The following COL11A1 variants were observed in gnomAD, a reference collection of about 807,000 sequenced individuals.
COL11A1 encodes collagen alpha-1(XI) chain.
COL11A1 carries 74 observed loss-of-function variants against 265.2 expected under a neutral mutation model. The ratio of observed to expected loss-of-function variants is 0.28; its 90% CI spans 0.23 to 0.34. The LOEUF (loss-of-function observed/expected upper bound fraction) is 0.34, where lower values mean the gene tolerates loss of function less well. Ranked by LOEUF, COL11A1 falls within the 10% of genes least tolerant of loss-of-function variation. The pLI is 1.00. For synonymous variants in COL11A1, 816 were observed against 727.6 expected (o/e 1.12, Z -1.96); for missense variants, 2,165 against 2,263.6 (o/e 0.96, Z 0.88).
chr1:103,007,866 C>CA (rs34520764), intron 15 of COL11A1, among the ~76,000 whole-genome samples: 70,572 of 97,092 alleles, frequency 0.73, 25,306 homozygotes, highest in East Asian at 0.87. Context: ...GACTCTGTCT[C>CA]AAAAAAAAAA....
intron 3 of COL11A1, among the ~76,000 whole-genome samples, chr1:103,075,118 G>C (rs1026798745): frequency 6.6e-6 from 1 of 152,034 alleles, no homozygotes; most frequent in African/African-American, 2.4e-5. Context: ...AGATTAGGGT[G>C]GGATATGGGG....
chr1:102,974,955 A>G, intron 35 of COL11A1, 72 bp from the exon 36 acceptor site: 1 of 1,093,744 alleles, frequency 9.1e-7, no homozygotes, highest in Non-Finnish European at 1.4e-6. Flanking sequence ...TTTGAGGTTT[A>G]TTTACATAGA....
chr1:103,047,018 A>G lies in COL11A1; in HGVS notation c.652-15774T>C, dbSNP rs1378499020. On this transcript the variant is annotated intron_variant, in intron 4 of 66. Coordinates refer to ENST00000370096, the MANE Select transcript of COL11A1 (RefSeq NM_001854.4). ...GTTTTGGTTACTGTAGCCTTGTAGT[A>G]TAGTTTGAAGTCAGGTAGTGGGATG... 2.6e-5 allele frequency among the ~76,000 whole-genome samples: 4 copies of G among 152,216 alleles called. No individual in the cohort carries two copies. The East Asian group carries it at 7.7e-4, about 29-fold the overall frequency.
intron 54 of COL11A1, among the ~76,000 whole-genome samples, chr1:102,908,825 A>AT (rs914579986): frequency 6.6e-6 from 1 of 152,008 alleles, no homozygotes; most frequent in Admixed American, 6.6e-5. Context: ...CCATAATTTT[A>AT]TTTTTTTAAG....
At chr1:102,927,079 G>C (rs1656678533) in intron 46 of COL11A1, among the ~76,000 whole-genome samples, 1 of 152,008 alleles carries the variant, frequency 6.6e-6, no homozygotes, top group African/African-American at 2.4e-5. Flanking sequence ...GATGCAATTT[G>C]TGTAATTATG....
chr1:103,078,028 AT>A lies in COL11A1; in HGVS notation c.488+629del. Among the ~76,000 whole-genome samples the A allele has an allele frequency of 1.3e-5, 2 of 152,238 alleles. 1 individual carries two copies. ...TATAATGCTTCCTCTGATCTCCAAT[AT>A]TAATATTATTAGTAAAACGTAAGTC... On this transcript the variant is annotated intron_variant, in intron 3 of 66. Transcript: ENST00000370096.
At chr1:102,945,593 T>C (rs974112030) in intron 42 of COL11A1, among the ~76,000 whole-genome samples, 2 of 152,202 alleles carry the variant, frequency 1.3e-5, no homozygotes, top group African/African-American at 4.8e-5. Context: ...TAATTTTATA[T>C]ATCAATACTT....
intron 41 of COL11A1, among the ~76,000 whole-genome samples, chr1:102,955,269 G>T (rs1278111019): frequency 6.6e-6 from 1 of 152,026 alleles, no homozygotes; most frequent in Non-Finnish European, 1.5e-5. Flanking sequence ...AAAAATAAGA[G>T]GAATAGGAAT....
At chr1:102,888,686 A>G (rs375198724) in intron 61 of COL11A1, 37 bp downstream of exon 61, 9 of 1,613,848 alleles carry the variant, frequency 5.6e-6, no homozygotes, top group Non-Finnish European at 5.9e-6. Flanking sequence ...AATAGGTTTC[A>G]ATGCAAAATT....
intron 24 of COL11A1, 109 bp downstream of exon 24, chr1:103,001,816 T>G: frequency 1.1e-6 from 1 of 918,998 alleles, no homozygotes; most frequent in Non-Finnish European, 1.8e-6. Flanking sequence ...CCTTATGTGC[T>G]GAGCTATCTA....
chr1:102,981,257 A>G (rs79912575), intron 31 of COL11A1, among the ~76,000 whole-genome samples: 2,199 of 152,246 alleles, frequency 0.014, 66 homozygotes, highest in African/African-American at 0.051. Flanking sequence ...ATCTCTGCAC[A>G]TTACATTTTG....
intron 46 of COL11A1, among the ~76,000 whole-genome samples, chr1:102,928,620 T>A (rs1401746073): frequency 6.6e-6 from 1 of 152,024 alleles, no homozygotes; most frequent in East Asian, 1.9e-4. Context: ...AGTAATGGGA[T>A]AGCTGGGTCA....
At position 102,934,437 on chromosome 1, in the gene COL11A1, G is replaced by A. The variant is rs1657931383; in HGVS notation, c.3600+12C>T. On this transcript the variant is annotated intron_variant, in intron 46 of 66. Coordinates refer to ENST00000370096, the MANE Select transcript of COL11A1 (RefSeq NM_001854.4). ...AGAAATGATGGAGTAAACAATGACA[G>A]GATCATCTTACCTGAAGACCTATTG... The A allele has an allele frequency of 6.4e-7, 1 of 1,559,810 alleles. No individual in the cohort carries two copies. The highest frequency in any genetic ancestry group is 1.4e-5 in the African/African-American group (1 of 73,810).
intron 4 of COL11A1, among the ~76,000 whole-genome samples, chr1:103,054,643 T>C (rs757908218): frequency 1.3e-5 from 2 of 152,138 alleles, no homozygotes; most frequent in Non-Finnish European, 2.9e-5. Flanking sequence ...GGCTCATGTC[T>C]GTAATCTCAG....
chr1:102,996,104 CTATA>C (rs1221301046), intron 26 of COL11A1, 62 bp from the exon 27 acceptor site: 11 of 1,524,052 alleles, frequency 7.2e-6, no homozygotes. Flanking sequence ...CATTTACATA[CTATA>C]ATTTTACCAA....
chr1:102,937,339 T>TCTGTCGAG (rs1207109103), intron 44 of COL11A1, among the ~76,000 whole-genome samples: 1 of 152,010 alleles, frequency 6.6e-6, no homozygotes, highest in Non-Finnish European at 1.5e-5. Flanking sequence ...AAATGTGGCT[T>TCTGTCGAG]CTGTCGAGTG....
At chr1:102,924,452 C>A (rs1021568538) in intron 46 of COL11A1, among the ~76,000 whole-genome samples, 2 of 152,298 alleles carry the variant, frequency 1.3e-5, no homozygotes, top group Admixed American at 6.5e-5. Context: ...CACAACAATA[C>A]TTTGTACATA....
At chr1:102,918,235 G>C (rs887243262) in intron 49 of COL11A1, among the ~76,000 whole-genome samples, 3 of 151,512 alleles carry the variant, frequency 2.0e-5, no homozygotes. Flanking sequence ...CACTTGTTTA[G>C]GTACATATTT....
chr1:103,064,875 G>A (rs1172775493), intron 4 of COL11A1, among the ~76,000 whole-genome samples: 1 of 151,804 alleles, frequency 6.6e-6, no homozygotes, highest in Non-Finnish European at 1.5e-5. Context: ...GTTAATCAGG[G>A]AGAGAAGGAT....
Sources: gnomAD v4.1 joint callset for allele counts (sites outside exome capture counted in the v4.1 genomes callset) on GRCh38, gnomAD v4.1.1 for gene constraint, MANE v1.5 for transcripts, NCBI Gene and HGNC (gene_info 2026-07-23, HGNC 2026-07-21) for gene names.